The following MBP variants were observed in gnomAD, a reference collection of about 807,000 sequenced individuals.
MBP encodes the protein Golli-MBP.
In MBP, 16 loss-of-function variants were observed where a neutral mutation model predicts 35.8. The observed-to-expected ratio is 0.45, with a 90% confidence interval of 0.30 to 0.68. MBP has a LOEUF of 0.68. Among genes scored for constraint, MBP ranks in the 30% least tolerant of loss-of-function variants. The probability of loss-of-function intolerance (pLI) is 0.08; values close to 1 mark genes in which losing one functional copy is unlikely to be tolerated. For synonymous variants in MBP, 143 were observed against 159.6 expected, an observed-to-expected ratio of 0.90 and a Z score of 0.78; for missense variants, 380 against 404.7, an observed-to-expected ratio of 0.94 and a Z score of 0.52.
intron 3 of MBP, among the ~76,000 whole-genome samples, chr18:77,030,488 T>A (rs977976088): frequency 1.3e-5 from 2 of 152,242 alleles, no homozygotes; most frequent in Non-Finnish European, 2.9e-5. Flanking sequence ...GGCCCTGTGG[T>A]ACCGGTACAT....
At chr18:76,985,556 C>A in intron 7 of MBP, 2 of 1,103,866 alleles carry the variant, frequency 1.8e-6, no homozygotes, top group Non-Finnish European at 2.2e-6. Flanking sequence ...GGCCATAGCT[C>A]GGACTGGGAG....
rs1279018403 is a variant in MBP, at chr18:77,132,388, C to T, written c.-26+192G>A. ...GGCCACCTGCTCCGCTGCCTAGGTT[C>T]TCCCTGCGCGTCCCCAGCCAAGAAA... On this transcript the variant is annotated intron_variant, in intron 1 of 8. Transcript: ENST00000355994. 1.3e-3 allele frequency among the ~76,000 whole-genome samples: 203 copies of T among 152,066 alleles called. 1 individual carries two copies. The highest frequency in any genetic ancestry group is 4.5e-3 in the African/African-American group (188 of 41,408).
chr18:76,988,862 A>T lies in MBP; in HGVS notation c.717+15T>A. 1 of 1,611,060 alleles carries T rather than the reference A, an allele frequency of 6.2e-7. No homozygotes were observed. Among genetic ancestry groups the T allele is most frequent in the Non-Finnish European group, 8.5e-7 (1 of 1,178,164 alleles). On this transcript the variant is annotated intron_variant, in intron 6 of 8. Coordinates refer to ENST00000355994, the MANE Select transcript of MBP (RefSeq NM_001025101.2). This position sits in a 1 kb window ranked among gnomAD's most constrained non-coding sequence, Gnocchi z 5.2. ...CAGAAAAGTGATGATCAATCAAAAC[A>T]TTCCAAGGTCTTACCTTTCCCTGCG...
intron 7 of MBP, chr18:76,987,370 G>A (rs772295475): frequency 5.9e-5 from 58 of 985,270 alleles, no homozygotes; most frequent in Admixed American, 4.9e-4. Context: ...AATTCATTAG[G>A]TCAGAAAAAG....
At chr18:77,098,813 T>C (rs1370915300) in intron 2 of MBP, among the ~76,000 whole-genome samples, 2 of 152,196 alleles carry the variant, frequency 1.3e-5, no homozygotes, top group African/African-American at 4.8e-5. Context: ...GGCCTCTGAG[T>C]CTGGGCAGAT....
At chr18:77,085,753 C>T (rs540837208) in intron 2 of MBP, among the ~76,000 whole-genome samples, 4 of 139,550 alleles carry the variant, frequency 2.9e-5, no homozygotes, top group East Asian at 2.2e-4. Flanking sequence ...GGCGCAATTT[C>T]GGCTCACCGC....
chr18:77,009,596 C>T (rs1027510814), intron 4 of MBP, among the ~76,000 whole-genome samples: 2 of 152,240 alleles, frequency 1.3e-5, no homozygotes, highest in East Asian at 1.9e-4. Context: ...GACAGCCATA[C>T]CCTTTGCAGA....
intron 4 of MBP, chr18:77,015,864 C>T: frequency 1.0e-6 from 1 of 985,462 alleles, no homozygotes; most frequent in Non-Finnish European, 1.2e-6. Flanking sequence ...GCCTTTTACG[C>T]TCCCACAAGG....
intron 7 of MBP, chr18:76,987,142 C>T: frequency 1.0e-6 from 1 of 985,468 alleles, no homozygotes; most frequent in Non-Finnish European, 1.2e-6. Context: ...GTGTGCAACC[C>T]CCCATCGCTC....
At position 77,010,000 on chromosome 18, in the gene MBP, A is replaced by G. The variant is rs1021985072; in HGVS notation, c.576+6832T>C. On this transcript the variant is annotated intron_variant, in intron 4 of 8. Transcript: ENST00000355994. ...GGCAATGCCCCAAAGTCCTCCAGCA[A>G]ATCTCCTCTAGAGCTGGCTTGGCAA... 5.7e-6 allele frequency: 6 copies of G among 1,044,902 alleles called. No homozygotes were observed. In the East Asian group the frequency reaches 1.0e-4, roughly 18 times the overall value. The allele number at this position is 1,044,902 out of a possible 1,614,324, so 64.7% of individuals were successfully genotyped here. A position where few individuals can be genotyped will look rare whatever the true frequency, so the allele number is the denominator to read the frequency against.
chr18:77,082,073 C>T (rs1247642533), intron 2 of MBP, among the ~76,000 whole-genome samples: 6 of 151,716 alleles, frequency 4.0e-5, no homozygotes, highest in East Asian at 3.9e-4. Context: ...GGGATGGTTT[C>T]GATCTCCTGA....
rs555239780 is a variant in MBP, at chr18:77,118,593, C to A, written c.-25-13307G>T. 3.1e-4 allele frequency among the ~76,000 whole-genome samples: 46 copies of A among 149,946 alleles called. 1 individual carries two copies. In the South Asian group the frequency reaches 8.9e-3, roughly 29 times the overall value. On this transcript the variant is annotated intron_variant, in intron 1 of 8. Coordinates refer to ENST00000355994, the MANE Select transcript of MBP (RefSeq NM_001025101.2). The stretch of plus-strand genomic sequence containing the variant: ...ACACACAGGCCACCCGCCCCACCCA[C>A]ACACACACTCCACAGACACCACACA...
At chr18:77,069,134 C>A in intron 2 of MBP, 1 of 447,462 alleles carries the variant, frequency 2.2e-6, no homozygotes, top group South Asian at 1.6e-5. Context: ...AAGAACAGTG[C>A]CTTACACACC....
chr18:77,078,978 A>G (rs1974774346), intron 2 of MBP, among the ~76,000 whole-genome samples: 2 of 152,198 alleles, frequency 1.3e-5, no homozygotes, highest in Non-Finnish European at 2.9e-5. Flanking sequence ...CCCAGGGATG[A>G]GTCAGGCGCT....
At chr18:77,009,952 C>T (rs1356563636) in intron 4 of MBP, 29 of 1,535,620 alleles carry the variant, frequency 1.9e-5, no homozygotes, top group East Asian at 2.4e-5. Flanking sequence ...GAGTGGGCTG[C>T]GTGAGTCCGG....
chr18:77,024,257 T>G (rs1972108731), intron 3 of MBP, among the ~76,000 whole-genome samples: 1 of 152,242 alleles, frequency 6.6e-6, no homozygotes, highest in African/African-American at 2.4e-5. Context: ...TTGTGACTTT[T>G]TTCTTTAGCT....
At chr18:76,995,483 A>T (rs1287045969) in intron 4 of MBP, among the ~76,000 whole-genome samples, 1 of 152,220 alleles carries the variant, frequency 6.6e-6, no homozygotes, top group African/African-American at 2.4e-5. Flanking sequence ...TAGAGGAAGG[A>T]CAGGCACCTA....
intron 3 of MBP, among the ~76,000 whole-genome samples, chr18:77,055,893 C>T (rs941263611): frequency 6.6e-6 from 1 of 152,170 alleles, no homozygotes; most frequent in African/African-American, 2.4e-5. Flanking sequence ...TAGAAACTTG[C>T]TTGGAATAAT....
intron 1 of MBP, among the ~76,000 whole-genome samples, chr18:77,106,956 A>C (rs963968577): frequency 7.2e-5 from 11 of 152,112 alleles, no homozygotes; most frequent in African/African-American, 2.7e-4. Flanking sequence ...TAACCAAGGG[A>C]AAGGCCAAAT....
Sources: gnomAD v4.1 joint callset for allele counts (sites outside exome capture counted in the v4.1 genomes callset) on GRCh38, gnomAD v4.1.1 for gene constraint, Gnocchi (gnomAD v3.1) non-coding constraint, MANE v1.5 for transcripts, NCBI Gene and HGNC (gene_info 2026-07-23, HGNC 2026-07-21) for gene names.